The following SPINT2 variants were observed in gnomAD, a reference collection of about 807,000 sequenced individuals.
SPINT2 encodes the protein kunitz-type protease inhibitor 2.
A neutral mutation model predicts 30.1 loss-of-function variants in SPINT2; 18 were observed. The observed-to-expected ratio is 0.60, with a 90% CI of 0.41 to 0.89. The LOEUF is 0.89. Ranked by LOEUF, SPINT2 falls within the 40% of genes least tolerant of loss-of-function variation. SPINT2 has a pLI of 0.00. For synonymous variants in SPINT2, 139 were observed against 137.9 expected, an observed-to-expected ratio of 1.01 and a Z score of -0.05; for missense variants, 276 against 334.3, an observed-to-expected ratio of 0.83 and a Z score of 1.36.
chr19:38,283,916 A>G (rs922506974), intron 2 of SPINT2, 119 bp downstream of exon 2: 5 of 1,211,652 alleles, frequency 4.1e-6, no homozygotes, highest in Non-Finnish European at 5.6e-6. Flanking sequence ...ATCTTGGCTC[A>G]CTGCAAGCTC....
rs766140056 is a variant in SPINT2, at chr19:38,290,645, C to T, written c.592+70C>T. 1.3e-6 allele frequency: 2 copies of T among 1,566,158 alleles called. No homozygotes were observed. The highest frequency in any genetic ancestry group is 3.6e-5 in the Admixed American group (2 of 55,362). On this transcript the variant is annotated intron_variant, in intron 6 of 6. Coordinates refer to ENST00000301244, the MANE Select transcript of SPINT2 (RefSeq NM_021102.4). This position sits in a 1 kb window ranked among gnomAD's most constrained non-coding sequence, Gnocchi z 4.3. ...CCTTCCTTGACTGAGCTCAGCCCTG[C>T]CCAGCTGTGGTTTACATTATCCTTC...
chr19:38,270,458 A>AT (rs1310430308), intron 1 of SPINT2, among the ~76,000 whole-genome samples: 1 of 152,136 alleles, frequency 6.6e-6, no homozygotes, highest in East Asian at 1.9e-4. Flanking sequence ...CCCCTCCCCC[A>AT]TCCGTGGCAG....
At position 38,289,344 on chromosome 19, in the gene SPINT2, C is replaced by T. The variant is rs1455386646; in HGVS notation, c.391+153C>T. On this transcript the variant is annotated intron_variant, in intron 4 of 6. Transcript: ENST00000301244. ...CTAAAAATACGAAAAATTAGCTGGA[C>T]GTAGTGGCATGCACCTGTAGTCCCA... 20 of 636,264 alleles carry T rather than the reference C, an allele frequency of 3.1e-5. 1 individual carries two copies. The highest frequency in any genetic ancestry group is 2.3e-4 in the South Asian group (14 of 61,890). 39.4% of individuals were successfully genotyped at this position (636,264 alleles called of 1,614,324 possible). A position where few individuals can be genotyped will look rare whatever the true frequency, so the allele number is the denominator to read the frequency against.
rs1158886187 is a variant in SPINT2, at chr19:38,283,602, A to G, written c.107-25A>G. 3.1e-6 allele frequency: 5 copies of G among 1,613,534 alleles called. No homozygotes were observed. The South Asian group carries it at 5.5e-5, about 18-fold the overall frequency. ...GTTGCCAGGATTGCCCTGCCAAGCT[A>G]ACCGGGTTGTGCTTCGCGTTTCAGA... On this transcript the variant is annotated intron_variant, in intron 1 of 6. Transcript: ENST00000301244.
At position 38,290,554 on chromosome 19, in the gene SPINT2, C is replaced by T. The variant is rs1276631007; in HGVS notation, c.571C>T (p.Pro191Ser). 1 of 1,614,108 alleles carries T rather than the reference C, an allele frequency of 6.2e-7. No homozygotes were observed. Among genetic ancestry groups the T allele is most frequent in the Middle Eastern group, 1.6e-4 (1 of 6,062 alleles). Reference protein sequence around the residue: ...LRCFRQQENPPLPLGSKVVVL... With the variant: ...LRCFRQQENPSLPLGSKVVVL... ...TCTTCCAGGCCAGCAGGAGAATCCT[C>T]CCCTGCCCCTTGGCTCAAAGGGTAA... is the stretch of plus-strand genomic sequence containing the variant. The change falls in exon 6 of 7, where the codon CCC becomes TCC. Residue 191 changes from proline (P) to serine (S), a missense_variant. Transcript: ENST00000301244. This position sits in a 1 kb window ranked among gnomAD's most constrained non-coding sequence, Gnocchi z 4.3.
intron 3 of SPINT2, 88 bp from the exon 4 acceptor site, chr19:38,289,050 C>T: frequency 8.3e-7 from 1 of 1,207,586 alleles, no homozygotes; most frequent in Admixed American, 1.7e-5. Flanking sequence ...TGTCCACACT[C>T]CTCAGTGGGC....
Position 38,264,872 on chromosome 19 carries a change from CGCGTCTCGGCTGA to C in SPINT2, c.-18_-6del, listed in dbSNP as rs1968358008. The stretch of plus-strand genomic sequence containing the variant: ...CCCCAACGGCTGGTGGCGTCGCCTG[CGCGTCTCGGCTGA>C]GCTGGCCATGGCGCAGCTGTGCGGG... On this transcript the variant is annotated 5_prime_UTR_variant, in exon 1 of 7. Transcript: ENST00000301244. 6.5e-7 allele frequency: 1 copy of C among 1,531,368 alleles called. No homozygotes were observed. Among genetic ancestry groups the C allele is most frequent in the East Asian group, 2.5e-5 (1 of 40,714 alleles). 94.9% of individuals were successfully genotyped at this position (1,531,368 alleles called of 1,614,324 possible). A position where few individuals can be genotyped will look rare whatever the true frequency, so the allele number is the denominator to read the frequency against.
intron 2 of SPINT2, among the ~76,000 whole-genome samples, chr19:38,287,635 G>C (rs1391937546): frequency 6.6e-6 from 1 of 152,110 alleles, no homozygotes; most frequent in African/African-American, 2.4e-5. Flanking sequence ...CCAAGTCACT[G>C]TCTTTTTAAG....
chr19:38,283,589 G>A, intron 1 of SPINT2, 38 bp from the exon 2 acceptor site: 2 of 1,613,020 alleles, frequency 1.2e-6, no homozygotes, highest in Non-Finnish European at 1.7e-6. Flanking sequence ...TGCCAGGATT[G>A]CCCTGCCAAG....
intron 1 of SPINT2, among the ~76,000 whole-genome samples, chr19:38,268,766 C>CGTGTGTGTGTGT (rs10526704): frequency 4.0e-5 from 6 of 149,916 alleles, no homozygotes; most frequent in African/African-American, 1.2e-4. Context: ...TGCGCGCGCG[C>CGTGTGTGTGTGT]GTGTGTGTGT....
At chr19:38,276,275 C>G (rs1968516935) in intron 1 of SPINT2, among the ~76,000 whole-genome samples, 1 of 152,144 alleles carries the variant, frequency 6.6e-6, no homozygotes, top group African/African-American at 2.4e-5. Context: ...GCTCTTGTGC[C>G]TCAGCTCATA....
intron 4 of SPINT2, chr19:38,289,749 A>G: frequency 2.9e-6 from 1 of 339,932 alleles, no homozygotes; most frequent in East Asian, 7.5e-5. Flanking sequence ...TGGCTCTGCA[A>G]TTTACATTGT....
At chr19:38,265,104 A>G (rs117631419) in intron 1 of SPINT2, 106 bp downstream of exon 1, 28,969 of 917,724 alleles carry the variant, frequency 0.032, 689 homozygotes, top group South Asian at 0.056. Context: ...ACTGGGGGCT[A>G]CTTGATGGCG....
intron 6 of SPINT2, 161 bp from the exon 7 acceptor site, chr19:38,291,679 C>T: frequency 1.2e-6 from 1 of 825,354 alleles, no homozygotes; most frequent in Non-Finnish European, 1.8e-6. Flanking sequence ...CTCTGGCAGG[C>T]TGTGTCCTCT....
chr19:38,283,567 C>T (rs900970503), intron 1 of SPINT2, 60 bp from the exon 2 acceptor site: 40 of 1,604,722 alleles, frequency 2.5e-5, no homozygotes, highest in Middle Eastern at 4.1e-4. Flanking sequence ...CAGGTCTGTG[C>T]GTGTCCTTTG....
At chr19:38,269,900 CG>C (rs1165570508) in intron 1 of SPINT2, among the ~76,000 whole-genome samples, 1 of 152,216 alleles carries the variant, frequency 6.6e-6, no homozygotes, top group Non-Finnish European at 1.5e-5. Context: ...TGAGCCACCG[CG>C]CCCGGCCTGA....
chr19:38,273,969 G>A (rs564643231), intron 1 of SPINT2, among the ~76,000 whole-genome samples: 2 of 152,280 alleles, frequency 1.3e-5, no homozygotes, highest in South Asian at 2.1e-4. Context: ...GGTGGCTCAC[G>A]CCTGTAATCC....
intron 1 of SPINT2, among the ~76,000 whole-genome samples, chr19:38,277,589 G>C (rs1303006581): frequency 6.6e-6 from 1 of 152,158 alleles, no homozygotes. Context: ...GGTGACAGCA[G>C]ATCTATCCAG....
chr19:38,291,903 A>T lies in SPINT2; in HGVS notation c.656A>T (p.Tyr219Phe). The change falls in exon 7 of 7, where the codon TAC (tyrosine) becomes TTC (phenylalanine). Residue 219 changes from tyrosine (Y) to phenylalanine (F), a missense_variant. Physicochemically the swap from Tyr to Phe is conservative, Grantham distance 22. Transcript: ENST00000301244. ...CTCTTCCTGGGAGCCTCCATGGTCT[A>T]CCTGATCCGGGTGGCACGGAGGAAC... The part of the protein sequence containing the change: ...LILFLGASMV[Y>F]LIRVARRNQE... 1 of 1,613,772 alleles carries T rather than the reference A, an allele frequency of 6.2e-7. No homozygotes were observed. Among genetic ancestry groups the T allele is most frequent in the South Asian group, 1.1e-5 (1 of 91,036 alleles).
Sources: allele counts gnomAD v4.1 joint callset (sites outside exome capture counted in the v4.1 genomes callset), GRCh38; gene constraint gnomAD v4.1.1; non-coding constraint Gnocchi (gnomAD v3.1); transcripts MANE v1.5; gene names NCBI Gene and HGNC (gene_info 2026-07-23, HGNC 2026-07-21).